Variants in IGSF5 observed in about 807,000 individuals in gnomAD.
IGSF5 encodes the protein immunoglobulin superfamily member 5.
IGSF5 carries 41 observed loss-of-function variants against 39.4 expected under a neutral mutation model. That is an observed-to-expected ratio of 1.04 (90% CI 0.81 to 1.35). The LOEUF (loss-of-function observed/expected upper bound fraction) is 1.35, where lower values mean the gene tolerates loss of function less well. IGSF5 is among the 40% of genes most tolerant of loss of function. The pLI, the probability that IGSF5 is intolerant of heterozygous loss-of-function variation, is 0.00. For synonymous variants in IGSF5, 183 were observed against 175.3 expected, an observed-to-expected ratio of 1.04 and a Z score of -0.34; for missense variants, 487 against 494.6, an observed-to-expected ratio of 0.98 and a Z score of 0.15.
At chr21:39,791,179 C>G (rs1040386256) in intron 6 of IGSF5, among the ~76,000 whole-genome samples, 4 of 152,170 alleles carry the variant, frequency 2.6e-5, no homozygotes, top group African/African-American at 9.7e-5. Context: ...TACACTCCCG[C>G]TAGCAGTGTG....
chr21:39,799,322 G>A (rs1416960277), intron 8 of IGSF5, among the ~76,000 whole-genome samples: 1 of 152,148 alleles, frequency 6.6e-6, no homozygotes, highest in African/African-American at 2.4e-5. Context: ...AAATACCGCT[G>A]CCTTGGTACC....
chr21:39,740,250 TG>T (rs2079942709), upstream of IGSF5, among the ~76,000 whole-genome samples: 1 of 152,250 alleles, frequency 6.6e-6, no homozygotes, highest in Admixed American at 6.5e-5. Context: ...GCAGCTCTTT[TG>T]GCTTCAATAT....
intron 8 of IGSF5, among the ~76,000 whole-genome samples, chr21:39,798,676 CA>C (rs2146297485): frequency 6.6e-6 from 1 of 152,294 alleles, no homozygotes; most frequent in East Asian, 1.9e-4. Context: ...TAACATCCAA[CA>C]GTTAGTAAAA....
chr21:39,715,637 G>A, the IGSF5 span, among the ~76,000 whole-genome samples: 2 of 152,144 alleles, frequency 1.3e-5, no homozygotes, highest in Admixed American at 1.3e-4. Context: ...AGATTCTGAG[G>A]ATACGTTGTA....
At chr21:39,780,566 A>G (rs2080165110) in intron 5 of IGSF5, among the ~76,000 whole-genome samples, 1 of 152,208 alleles carries the variant, frequency 6.6e-6, no homozygotes, top group Non-Finnish European at 1.5e-5. Flanking sequence ...TTTGTAGGTG[A>G]ATGTTAATAG....
intron 6 of IGSF5, among the ~76,000 whole-genome samples, chr21:39,788,524 C>T (rs547994524): frequency 4.6e-5 from 7 of 152,304 alleles, no homozygotes; most frequent in Admixed American, 4.6e-4. Flanking sequence ...CTGCTGTGGG[C>T]GGAGGCCAGG....
At chr21:39,788,258 C>T in intron 6 of IGSF5, 70 bp downstream of exon 6, 2 of 1,092,784 alleles carry the variant, frequency 1.8e-6, no homozygotes, top group Non-Finnish European at 2.8e-6. Flanking sequence ...ATAATAACAA[C>T]AATACGTACA....
In IGSF5 at chr21:39,747,442, CT is replaced by C. The variant is rs1195928056; in HGVS notation, c.100+1145del. 2.0e-4 allele frequency among the ~76,000 whole-genome samples: 10 copies of C among 49,042 alleles called. No individual in the cohort carries two copies. The South Asian group carries it at 6.6e-3, about 32-fold the overall frequency. The allele number at this position is 49,042 out of a possible 152,430, so 32.2% of individuals were successfully genotyped here. On this transcript the variant is annotated intron_variant, in intron 2 of 8. Transcript: ENST00000380588. ...AAACCATATCACCTGGCCACATGGCCTGGGGGGTTCCAGGAACCTGGAAGTG... is the reference window on the plus strand; with the variant it reads ...AAACCATATCACCTGGCCACATGGCCGGGGGGTTCCAGGAACCTGGAAGTG...
intron 2 of IGSF5, among the ~76,000 whole-genome samples, chr21:39,755,366 C>T (rs1337882993): frequency 2.0e-5 from 3 of 151,874 alleles, no homozygotes; most frequent in Non-Finnish European, 4.4e-5. Flanking sequence ...GCGGGCGGAT[C>T]ACAAGGTCAG....
intron 3 of IGSF5, among the ~76,000 whole-genome samples, chr21:39,767,809 G>A (rs980685085): frequency 3.9e-5 from 6 of 152,190 alleles, no homozygotes; most frequent in Non-Finnish European, 7.3e-5. Flanking sequence ...CGGGAGGGGA[G>A]CTGACAGAGT....
chr21:39,757,291 A>T (rs2080036050), intron 2 of IGSF5, among the ~76,000 whole-genome samples: 1 of 150,998 alleles, frequency 6.6e-6, no homozygotes, highest in South Asian at 2.1e-4. Flanking sequence ...CCTTTTGAGA[A>T]TGTGAGCTCA....
At chr21:39,791,027 A>AT (rs1416569564) in intron 6 of IGSF5, among the ~76,000 whole-genome samples, 1 of 152,316 alleles carries the variant, frequency 6.6e-6, no homozygotes, top group Admixed American at 6.5e-5. Flanking sequence ...GCATTTGCAA[A>AT]TTTTGGTATC....
chr21:39,779,018 A>T, intron 4 of IGSF5, 72 bp from the exon 5 acceptor site: 1 of 1,551,348 alleles, frequency 6.4e-7, no homozygotes. Flanking sequence ...ACATAATGCA[A>T]CTTATAATGG....
At chr21:39,772,132 GGCACTATTCTGA>G (rs1267146967) in intron 4 of IGSF5, among the ~76,000 whole-genome samples, 1 of 152,214 alleles carries the variant, frequency 6.6e-6, no homozygotes, top group Non-Finnish European at 1.5e-5. Context: ...CAAGTTATCA[GGCACTATTCTGA>G]GCACTTCTCA....
chr21:39,754,660 T>A, intron 2 of IGSF5, among the ~76,000 whole-genome samples: 1 of 152,152 alleles, frequency 6.6e-6, no homozygotes, highest in East Asian at 1.9e-4. Context: ...GACTAAAGAC[T>A]TTAAGAATAA....
At chr21:39,768,521 G>C (rs73904411) in intron 3 of IGSF5, among the ~76,000 whole-genome samples, 28 of 152,322 alleles carry the variant, frequency 1.8e-4, no homozygotes, top group Middle Eastern at 3.4e-3. Flanking sequence ...TCAGATCGCT[G>C]AGTTGGTCCA....
chr21:39,787,642 TAAAG>T (rs2086931429), intron 5 of IGSF5, among the ~76,000 whole-genome samples: 1 of 151,166 alleles, frequency 6.6e-6, no homozygotes, highest in South Asian at 2.1e-4. Context: ...ATCTTTGAAT[TAAAG>T]AAATATGGTA....
intron 3 of IGSF5, among the ~76,000 whole-genome samples, chr21:39,768,242 A>G (rs2080096128): frequency 6.6e-6 from 1 of 150,440 alleles, no homozygotes; most frequent in Non-Finnish European, 1.5e-5. Context: ...TTCCTAGAGG[A>G]GCAAATGTTC....
chr21:39,770,848 A>G (rs73217279), intron 3 of IGSF5, 68 bp from the exon 4 acceptor site: 438,082 of 1,187,300 alleles, frequency 0.37, 85,327 homozygotes, highest in Non-Finnish European at 0.4. Context: ...AAAAGAAAAA[A>G]AAAAAGAAAA....
Sources: gnomAD v4.1 joint callset for allele counts (sites outside exome capture counted in the v4.1 genomes callset) on GRCh38, gnomAD v4.1.1 for gene constraint, MANE v1.5 for transcripts, NCBI Gene and HGNC (gene_info 2026-07-23, HGNC 2026-07-21) for gene names.